PPM1E: variants seen among roughly 807,000 people sequenced by gnomAD.
The protein encoded by PPM1E is protein phosphatase 1E.
Under a neutral mutation model 65.9 loss-of-function variants are expected in PPM1E, and 20 were observed. The observed-to-expected ratio is 0.30, with a 90% CI of 0.21 to 0.44. The LOEUF (loss-of-function observed/expected upper bound fraction) is 0.44. Ranked by LOEUF, PPM1E falls within the 20% of genes least tolerant of loss-of-function variation. The pLI is 1.00. For missense variants in PPM1E, 713 were observed against 953.1 expected, an observed-to-expected ratio of 0.75 and a Z score of 3.32; for synonymous variants, 352 against 374.9, an observed-to-expected ratio of 0.94 and a Z score of 0.70.
chr17:58,920,832 A>G (rs1174236578), intron 1 of PPM1E, among the ~76,000 whole-genome samples: 1 of 152,230 alleles, frequency 6.6e-6, no homozygotes, highest in Non-Finnish European at 1.5e-5. Context: ...GATAAAATCT[A>G]TTAAATGGAT....
chr17:58,908,261 A>C (rs1455887246), intron 1 of PPM1E, among the ~76,000 whole-genome samples: 1 of 150,586 alleles, frequency 6.6e-6, no homozygotes, highest in Non-Finnish European at 1.5e-5. Context: ...TTGGTATTTT[A>C]GTAGAGATAG....
At chr17:58,829,129 G>A (rs1482209514) in intron 1 of PPM1E, among the ~76,000 whole-genome samples, 4 of 151,750 alleles carry the variant, frequency 2.6e-5, no homozygotes, top group Admixed American at 6.6e-5. Flanking sequence ...TGCAACCTCC[G>A]CCTCCCGGGT....
rs2051066358 is a variant in PPM1E, at chr17:58,871,297, C to G, written c.465-84352C>G. Among the ~76,000 whole-genome samples the G allele has an allele frequency of 2.0e-5, 3 of 152,200 alleles. No homozygotes were observed. In the South Asian group the frequency reaches 6.2e-4, roughly 32 times the overall value. On this transcript the variant is annotated intron_variant, in intron 1 of 6. Coordinates refer to ENST00000308249, the MANE Select transcript of PPM1E (RefSeq NM_014906.5). Reference sequence around the variant, plus strand: ...TCAAGTGATCCTTCTGCCTTGGCCTCCCAAAGTGCTGGGATTATAGGCATT... The same window carrying G: ...TCAAGTGATCCTTCTGCCTTGGCCTGCCAAAGTGCTGGGATTATAGGCATT...
At chr17:58,833,234 C>G (rs985726499) in intron 1 of PPM1E, among the ~76,000 whole-genome samples, 1 of 151,314 alleles carries the variant, frequency 6.6e-6, no homozygotes, top group African/African-American at 2.4e-5. Flanking sequence ...ATGTGCTAGC[C>G]GTTTACAGTC....
intron 3 of PPM1E, among the ~76,000 whole-genome samples, chr17:58,968,019 GTCT>G (rs2030367553): frequency 6.6e-6 from 1 of 152,022 alleles, no homozygotes; most frequent in Non-Finnish European, 1.5e-5. Flanking sequence ...GGCCAGGATG[GTCT>G]TGATCTCTTG....
chr17:58,966,067 T>C (rs773291805), intron 3 of PPM1E, 174 bp downstream of exon 3: 3 of 654,566 alleles, frequency 4.6e-6, no homozygotes, highest in Non-Finnish European at 7.8e-6. Flanking sequence ...TATTTTACGT[T>C]CTTTTGAATA....
intron 1 of PPM1E, among the ~76,000 whole-genome samples, chr17:58,785,016 T>C (rs945221256): frequency 6.6e-6 from 1 of 152,034 alleles, no homozygotes; most frequent in Non-Finnish European, 1.5e-5. Context: ...ATTTATATAT[T>C]TTTTCTTTTG....
chr17:58,979,716 G>A (rs939255654), intron 6 of PPM1E, among the ~76,000 whole-genome samples: 2 of 152,190 alleles, frequency 1.3e-5, no homozygotes, highest in African/African-American at 4.8e-5. Context: ...CATAGCCAGA[G>A]GTGCAGATTC....
At position 58,782,916 on chromosome 17, in the gene PPM1E, A is replaced by G. The variant is rs944782569; in HGVS notation, c.464+26455A>G. On this transcript the variant is annotated intron_variant, in intron 1 of 6. Coordinates refer to ENST00000308249, the MANE Select transcript of PPM1E (RefSeq NM_014906.5). ...TACTAACAGCTCCTATTTTGTTTCC[A>G]TATTTTCCATCAAGGAGAATAATAT... 3.3e-5 allele frequency among the ~76,000 whole-genome samples: 5 copies of G among 152,300 alleles called. No homozygotes were observed. In the East Asian group the frequency reaches 5.8e-4, roughly 18 times the overall value.
At chr17:58,965,497 C>T (rs2030194014) in intron 2 of PPM1E, among the ~76,000 whole-genome samples, 197 bp from the exon 3 acceptor site, 1 of 152,110 alleles carries the variant, frequency 6.6e-6, no homozygotes, top group African/African-American at 2.4e-5. Flanking sequence ...GTGGCAGCTG[C>T]AGGCTGATGA....
At chr17:58,778,958 A>C (rs867994687) in intron 1 of PPM1E, among the ~76,000 whole-genome samples, 1 of 133,596 alleles carries the variant, frequency 7.5e-6, no homozygotes, top group South Asian at 2.4e-4. Context: ...ATATATATAT[A>C]TATGTAGTAT....
intron 1 of PPM1E, among the ~76,000 whole-genome samples, chr17:58,799,195 TG>T (rs2050235459): frequency 6.6e-6 from 1 of 152,232 alleles, no homozygotes; most frequent in South Asian, 2.1e-4. Context: ...AGTGCAAGTG[TG>T]GGTCTTTTCA....
chr17:58,816,772 ATATATATATATATATATATATATT>A (rs1242408207), intron 1 of PPM1E, among the ~76,000 whole-genome samples: 735 of 18,000 alleles, frequency 0.041, 29 homozygotes, highest in Middle Eastern at 0.1. Context: ...ATATATATAT[ATATATATATATATATATATATATT>A]TTTTTTTTTT....
intron 1 of PPM1E, among the ~76,000 whole-genome samples, chr17:58,864,420 C>G (rs2050976314): frequency 6.6e-6 from 1 of 151,914 alleles, no homozygotes; most frequent in African/African-American, 2.4e-5. Context: ...GTGGGTGGAT[C>G]ACCTGAGGTC....
At chr17:58,841,777 G>A (rs1020206171) in intron 1 of PPM1E, among the ~76,000 whole-genome samples, 2 of 151,836 alleles carry the variant, frequency 1.3e-5, no homozygotes, top group East Asian at 1.9e-4. Context: ...GCATGACCTC[G>A]GCTCACTGCA....
intron 1 of PPM1E, among the ~76,000 whole-genome samples, chr17:58,774,993 C>T (rs2049979616): frequency 6.6e-6 from 1 of 152,030 alleles, no homozygotes; most frequent in Non-Finnish European, 1.5e-5. Context: ...GCTGGGACTA[C>T]AGGCACACGC....
chr17:58,775,156 A>G (rs963903473), intron 1 of PPM1E, among the ~76,000 whole-genome samples: 2 of 152,122 alleles, frequency 1.3e-5, no homozygotes, highest in Non-Finnish European at 2.9e-5. Flanking sequence ...TATAAACCTA[A>G]GCTGTATTTA....
intron 1 of PPM1E, among the ~76,000 whole-genome samples, chr17:58,792,303 A>G (rs1229244625): frequency 6.7e-6 from 1 of 149,148 alleles, no homozygotes; most frequent in Non-Finnish European, 1.5e-5. Context: ...AATATTATAT[A>G]GTATAATATA....
At chr17:58,777,799 C>G (rs1375981844) in intron 1 of PPM1E, among the ~76,000 whole-genome samples, 1 of 152,170 alleles carries the variant, frequency 6.6e-6, no homozygotes, top group Non-Finnish European at 1.5e-5. Flanking sequence ...CTTTTGCTCA[C>G]CATCCTATCC....
Sources: allele counts gnomAD v4.1 joint callset (sites outside exome capture counted in the v4.1 genomes callset), GRCh38; gene constraint gnomAD v4.1.1; transcripts MANE v1.5; gene names NCBI Gene and HGNC (gene_info 2026-07-23, HGNC 2026-07-21).